RERE: variants seen among roughly 807,000 people sequenced by gnomAD.
RERE encodes the protein arginine-glutamic acid dipeptide repeats protein.
A neutral mutation model predicts 146.1 loss-of-function variants in RERE; 40 were observed. The observed-to-expected ratio is 0.27, with a 90% CI of 0.21 to 0.36. The LOEUF (loss-of-function observed/expected upper bound fraction) is 0.36, where lower values mean the gene tolerates loss of function less well. Among genes scored for constraint, RERE ranks in the 10% least tolerant of loss-of-function variants. RERE has a pLI of 1.00. For missense variants in RERE, 1,933 were observed against 2,138.7 expected (o/e 0.90, Z 1.90); for synonymous variants, 1,003 against 866.0 (o/e 1.16, Z -2.78).
At chr1:8,494,046 T>A (rs1359558768) in intron 10 of RERE, among the ~76,000 whole-genome samples, 5 of 152,216 alleles carry the variant, frequency 3.3e-5, no homozygotes, top group Admixed American at 3.3e-4. Flanking sequence ...AATCATATTG[T>A]TTGCAGCAGT....
intron 8 of RERE, among the ~76,000 whole-genome samples, chr1:8,501,566 G>A (rs931087100): frequency 7.8e-6 from 1 of 127,632 alleles, no homozygotes; most frequent in Non-Finnish European, 1.7e-5. Context: ...GCCCCTACCG[G>A]GAAGTGAGGA....
intron 1 of RERE, among the ~76,000 whole-genome samples, chr1:8,688,661 C>T (rs1639143178): frequency 6.6e-6 from 1 of 152,138 alleles, no homozygotes; most frequent in Admixed American, 6.5e-5. Flanking sequence ...GGGAGGATAA[C>T]TTGAGCATGG....
chr1:8,583,149 G>C (rs1646388061), intron 4 of RERE, among the ~76,000 whole-genome samples: 2 of 152,130 alleles, frequency 1.3e-5, no homozygotes, highest in South Asian at 4.1e-4. Context: ...GTAAAACTCT[G>C]GTTCAATAAA....
chr1:8,513,348 T>C (rs891151095), intron 7 of RERE, among the ~76,000 whole-genome samples: 3 of 152,240 alleles, frequency 2.0e-5, no homozygotes, highest in African/African-American at 7.2e-5. Flanking sequence ...GCAAATCTCA[T>C]TAATATTTGA....
chr1:8,433,984 CA>C (rs1228568929), intron 11 of RERE, among the ~76,000 whole-genome samples: 1 of 152,132 alleles, frequency 6.6e-6, no homozygotes, highest in Admixed American at 6.5e-5. Flanking sequence ...CCTAATCTTC[CA>C]AAGGCCAAAG....
chr1:8,580,415 T>G (rs1475930274), intron 4 of RERE, among the ~76,000 whole-genome samples: 1 of 152,238 alleles, frequency 6.6e-6, no homozygotes, highest in East Asian at 1.9e-4. Flanking sequence ...TCAGTTCTAA[T>G]GTACTGCATA....
intron 1 of RERE, among the ~76,000 whole-genome samples, chr1:8,789,301 A>AAAAAAAAAAAAAAAAAAAAATATATATAT: frequency 2.4e-4 from 6 of 24,810 alleles, no homozygotes; most frequent in Non-Finnish European, 2.6e-4. Context: ...AAAAAAAAAA[A>AAAAAAAAAAAAAAAAAAAAATATATATAT]ATATATATAT....
intron 1 of RERE, chr1:8,806,894 T>C (rs1641703127): frequency 6.6e-6 from 1 of 152,234 alleles, no homozygotes; most frequent in South Asian, 2.1e-4. Context: ...CATAATCATA[T>C]TCCTCAAAGA....
chr1:8,458,062 T>C (rs563735757), intron 11 of RERE, among the ~76,000 whole-genome samples: 2 of 152,144 alleles, frequency 1.3e-5, no homozygotes, highest in Non-Finnish European at 2.9e-5. Context: ...CCTGTGAAAA[T>C]GTAAGACTCC....
At chr1:8,678,689 C>T (rs966036604) in intron 1 of RERE, among the ~76,000 whole-genome samples, 2 of 151,788 alleles carry the variant, frequency 1.3e-5, no homozygotes, top group African/African-American at 4.9e-5. Flanking sequence ...AGCGAGACTC[C>T]ATCTCCAAAA....
At chr1:8,699,957 A>G (rs1030645394) in intron 1 of RERE, among the ~76,000 whole-genome samples, 1 of 152,210 alleles carries the variant, frequency 6.6e-6, no homozygotes, top group African/African-American at 2.4e-5. Flanking sequence ...TATCAGCTTT[A>G]GTCATAAACA....
rs180769063 is a variant in RERE at position 8,642,151 on chromosome 1, A to G, written c.325+13822T>C. ...CTTGTAACCCCAATCTAAAACCCCA[A>G]TCTAAAACAGTAACACTTAACAAGG... On this transcript the variant is annotated intron_variant, in intron 2 of 22. Coordinates refer to ENST00000400908, the MANE Select transcript of RERE (RefSeq NM_001042681.2). 9.2e-5 allele frequency among the ~76,000 whole-genome samples: 14 copies of G among 152,340 alleles called. No homozygotes were observed. The East Asian group carries it at 2.1e-3, about 23-fold the overall frequency.
At chr1:8,372,736 C>T (rs534007017) in intron 12 of RERE, among the ~76,000 whole-genome samples, 1 of 152,362 alleles carries the variant, frequency 6.6e-6, no homozygotes, top group Admixed American at 6.5e-5. Flanking sequence ...AGTTTCCTGC[C>T]TCCTTGCCCA....
intron 1 of RERE, among the ~76,000 whole-genome samples, chr1:8,709,505 C>A (rs1161018087): frequency 6.6e-6 from 1 of 152,082 alleles, no homozygotes; most frequent in East Asian, 1.9e-4. Flanking sequence ...AGGCTCTTCT[C>A]TAGAACATAG....
At chr1:8,786,001 C>T (rs1469767335) in intron 1 of RERE, among the ~76,000 whole-genome samples, 1 of 152,050 alleles carries the variant, frequency 6.6e-6, no homozygotes, top group Non-Finnish European at 1.5e-5. Flanking sequence ...CAAACCCAAC[C>T]GCTCTTCATC....
intron 4 of RERE, among the ~76,000 whole-genome samples, chr1:8,596,672 C>T (rs1394083721): frequency 2.9e-5 from 4 of 137,804 alleles, no homozygotes; most frequent in South Asian, 2.3e-4. Context: ...CCATGTCTGG[C>T]TTTTTTTTTT....
At chr1:8,714,933 G>A (rs1193520050) in intron 1 of RERE, among the ~76,000 whole-genome samples, 1 of 151,952 alleles carries the variant, frequency 6.6e-6, no homozygotes, top group East Asian at 2.0e-4. Flanking sequence ...GAATGCAGTG[G>A]AGCGATCCTG....
chr1:8,369,508 T>TAAAAAAAAAAAAAAAAAAAAAAAAAAAAA lies in RERE; in HGVS notation c.1285-3563_1285-3535dup, dbSNP rs1186718390. On this transcript the variant is annotated intron_variant, in intron 12 of 22. Coordinates refer to ENST00000400908, the MANE Select transcript of RERE (RefSeq NM_001042681.2). The stretch of plus-strand genomic sequence containing the variant: ...ATCGAATAAATCTTTCGCCTTTTAC[T>TAAAAAAAAAAAAAAAAAAAAAAAAAAAAA]AAAAAAAAAAAAAAAAAAAAAAAAA... 9.1e-5 allele frequency among the ~76,000 whole-genome samples: 7 copies of TAAAAAAAAAAAAAAAAAAAAAAAAAAAAA among 76,892 alleles called. 1 individual carries two copies. Among genetic ancestry groups the TAAAAAAAAAAAAAAAAAAAAAAAAAAAAA allele is most frequent in the African/African-American group, 1.7e-4 (4 of 23,642 alleles). The allele number at this position is 76,892 out of a possible 152,430, so 50.4% of individuals were successfully genotyped here.
In RERE at chr1:8,549,120, T is replaced by C. The variant is rs567734650; in HGVS notation, c.725+7355A>G. ...CCTAGCTCTGCCTGCTAACTGGATC[T>C]AGAAACAATGATATCCAGTAGTAAC... On this transcript the variant is annotated intron_variant, in intron 6 of 22. Transcript: ENST00000400908. 7.9e-5 allele frequency among the ~76,000 whole-genome samples: 12 copies of C among 152,324 alleles called. No homozygotes were observed. In the South Asian group the frequency reaches 2.5e-3, roughly 32 times the overall value.
Sources: gnomAD v4.1 joint callset for allele counts (sites outside exome capture counted in the v4.1 genomes callset) on GRCh38, gnomAD v4.1.1 for gene constraint, MANE v1.5 for transcripts, NCBI Gene and HGNC (gene_info 2026-07-23, HGNC 2026-07-21) for gene names.